POMT2: variants seen among roughly 807,000 people sequenced by gnomAD.
The protein encoded by POMT2 is protein O-mannosyl-transferase 2.
Under a neutral mutation model 100.0 loss-of-function variants are expected in POMT2, and 75 were observed. The ratio of observed to expected loss-of-function variants is 0.75; its 90% CI spans 0.62 to 0.91. POMT2 has a LOEUF of 0.91. POMT2 is among the 40% of genes least tolerant of loss of function. POMT2 has a pLI of 0.00. For missense variants in POMT2, 940 were observed against 955.1 expected (o/e 0.98, Z 0.21); for synonymous variants, 378 against 374.1 (o/e 1.01, Z -0.12).
In POMT2 at chr14:77,299,114, T is replaced by C. The variant is rs59556316; in HGVS notation, c.923+341A>G. Reference sequence around the variant, plus strand: ...TGATTCTCAGTAGCTACTCATTAAGTGGGAGCTGTTGCCGCCGGAGTTACT... The same window carrying C: ...TGATTCTCAGTAGCTACTCATTAAGCGGGAGCTGTTGCCGCCGGAGTTACT... On this transcript the variant is annotated intron_variant, in intron 7 of 20. Coordinates refer to ENST00000261534, the MANE Select transcript of POMT2 (RefSeq NM_013382.7). 0.015 allele frequency among the ~76,000 whole-genome samples: 2,294 copies of C among 152,322 alleles called. 47 individuals carry two copies. The highest frequency in any genetic ancestry group is 0.052 in the African/African-American group (2,155 of 41,574).
At chr14:77,310,403 A>G (rs1223553647) in intron 2 of POMT2, among the ~76,000 whole-genome samples, 1 of 152,236 alleles carries the variant, frequency 6.6e-6, no homozygotes, top group Non-Finnish European at 1.5e-5. Context: ...ACATGAGATA[A>G]TGCCTCTAAG....
At chr14:77,280,589 TG>T in intron 15 of POMT2, 126 bp from the exon 16 acceptor site, 2 of 1,539,380 alleles carry the variant, frequency 1.3e-6, no homozygotes, top group East Asian at 4.7e-5. Flanking sequence ...TCCCTTCCCT[TG>T]CAGGGAAGAA....
chr14:77,299,388 A>AC, intron 7 of POMT2, 67 bp downstream of exon 7: 1 of 1,386,124 alleles, frequency 7.2e-7, no homozygotes. Context: ...AAATCATCCG[A>AC]CCCCTCCACA....
At position 77,320,635 on chromosome 14, in the gene POMT2, G is replaced by C. The variant is rs778898705; in HGVS notation, c.47C>G (p.Pro16Arg). ...CTGGGGGCCACAGCGGCCCCTCCGG[G>C]GACGCAGCTCGGACTCTGCCAGGCC... is the stretch of plus-strand genomic sequence containing the variant. ...GGGLAESELR[P>R]RRGRCGPQAA... Residue 16 changes from proline (P) to arginine (R), a missense_variant, in exon 1 of 21, where the codon CCC (proline) becomes CGC (arginine). Physicochemically the swap from Pro to Arg is moderately radical, Grantham distance 103. Coordinates refer to ENST00000261534, the MANE Select transcript of POMT2 (RefSeq NM_013382.7). 1 of 1,592,656 alleles carries C rather than the reference G, an allele frequency of 6.3e-7. No individual in the cohort carries two copies. Among genetic ancestry groups the C allele is most frequent in the Non-Finnish European group, 8.5e-7 (1 of 1,177,492 alleles).
rs771117215 is a variant in POMT2, at chr14:77,284,990, G to A, written c.1536C>T (p.Leu512=). Residue 512 remains leucine (L), a synonymous_variant, in exon 14 of 21, where the codon CTC becomes CTT. Transcript: ENST00000261534. ...GGTCCTCCACATTCCAGATGGAGTT[G>A]AGGGTTTCTTTCAGGTATGGGGTGC... ...VTCTPYLKET[L]NSIWNVEDHI... 3.7e-6 allele frequency: 6 copies of A among 1,613,612 alleles called. No individual in the cohort carries two copies. The highest frequency in any genetic ancestry group is 1.1e-5 in the South Asian group (1 of 91,084).
At chr14:77,284,019 A>G (rs1890327501) in intron 14 of POMT2, 146 bp from the exon 15 acceptor site, 1 of 727,812 alleles carries the variant, frequency 1.4e-6, no homozygotes. Context: ...GCTTGGCCCA[A>G]TTCTTGATCA....
At position 77,289,348 on chromosome 14, in the gene POMT2, G is replaced by A. The variant is rs192534203; in HGVS notation, c.1184-517C>T. On this transcript the variant is annotated intron_variant, in intron 10 of 20. Transcript: ENST00000261534. ...GGAGGTTGCAGTAAGCCGAGATTGC[G>A]CCACTGCATTCCAGCCTGGGTGACA... Among the ~76,000 whole-genome samples, 365 of 149,872 alleles carry A rather than the reference G, an allele frequency of 2.4e-3. 1 individual carries two copies. The highest frequency in any genetic ancestry group is 4.6e-3 in the Admixed American group (68 of 14,698).
intron 2 of POMT2, among the ~76,000 whole-genome samples, chr14:77,308,328 T>TTTAC (rs1891301150): frequency 6.6e-6 from 1 of 151,856 alleles, no homozygotes; most frequent in African/African-American, 2.4e-5. Context: ...TATGTCATTT[T>TTTAC]TTACTCTCCA....
intron 8 of POMT2, among the ~76,000 whole-genome samples, chr14:77,297,303 A>G (rs990953732): frequency 6.6e-6 from 1 of 152,096 alleles, no homozygotes; most frequent in Admixed American, 6.5e-5. Flanking sequence ...GCTCCTCCGC[A>G]GTCTCCTCTC....
At chr14:77,278,000 C>T (rs576821828) in intron 20 of POMT2, among the ~76,000 whole-genome samples, 1 of 152,064 alleles carries the variant, frequency 6.6e-6, no homozygotes, top group Non-Finnish European at 1.5e-5. Flanking sequence ...TTCCCCCCTC[C>T]CTCACCCGGA....
intron 2 of POMT2, among the ~76,000 whole-genome samples, chr14:77,311,215 C>T (rs1891425067): frequency 6.6e-6 from 1 of 152,194 alleles, no homozygotes; most frequent in Non-Finnish European, 1.5e-5. Flanking sequence ...AGAAACAGAT[C>T]AAACCATGTG....
chr14:77,288,060 TTAA>T (rs1319163161), intron 11 of POMT2, among the ~76,000 whole-genome samples: 3 of 152,228 alleles, frequency 2.0e-5, no homozygotes, highest in Non-Finnish European at 4.4e-5. Flanking sequence ...GAAGGATAAC[TTAA>T]TAAATTTACC....
intron 9 of POMT2, among the ~76,000 whole-genome samples, chr14:77,295,094 T>A (rs1890775328): frequency 6.6e-6 from 1 of 152,132 alleles, no homozygotes; most frequent in Admixed American, 6.5e-5. Context: ...CAAAGTCAAA[T>A]CTACTATAAC....
At position 77,299,475 on chromosome 14, in the gene POMT2, GT is replaced by G; in HGVS notation, c.902del (p.His301ProfsTer5). On this transcript the variant is annotated frameshift_variant, in exon 7 of 21. Transcript: ENST00000261534. LOFTEE classifies it high-confidence loss of function. Reference protein sequence around the residue: ...LALYTATFAVHFMVLSKSGPG... With the variant: ...LALYTATFAVXFMVLSKSGPG... Reference sequence around the variant, plus strand: ...TGTACCTTTTACTCAGCACCATGAAGTGAACAGCAAAGGTGGCTGTATAGAG... The same window carrying G: ...TGTACCTTTTACTCAGCACCATGAAGGAACAGCAAAGGTGGCTGTATAGAG... 1.2e-6 allele frequency: 2 copies of G among 1,614,050 alleles called. No homozygotes were observed. The highest frequency in any genetic ancestry group is 1.7e-6 in the Non-Finnish European group (2 of 1,179,930).
intron 20 of POMT2, chr14:77,278,164 G>C (rs965418416): frequency 1.8e-6 from 1 of 550,800 alleles, no homozygotes; most frequent in Admixed American, 2.9e-5. Context: ...CTGAACCACC[G>C]GCAGAAGGGG....
chr14:77,320,377 AG>A, intron 1 of POMT2, 56 bp downstream of exon 1: 1 of 1,541,742 alleles, frequency 6.5e-7, no homozygotes. Flanking sequence ...GGCCAATCAG[AG>A]GGCGGCGTCC....
chr14:77,279,625 A>C, intron 18 of POMT2, 198 bp downstream of exon 18: 2 of 695,684 alleles, frequency 2.9e-6, no homozygotes, highest in Non-Finnish European at 5.2e-6. Context: ...CCAACGCTCT[A>C]GTGTTGTTGG....
At position 77,320,421 on chromosome 14, in the gene POMT2, T is replaced by G. The variant is rs1183509193; in HGVS notation, c.248+13A>C. ...GTTGCCATGGTGCCCGCCGAGTCCCTCCCATCACTCACCAGATGTGCGGCG... is the reference window on the plus strand; with the variant it reads ...GTTGCCATGGTGCCCGCCGAGTCCCGCCCATCACTCACCAGATGTGCGGCG... On this transcript the variant is annotated intron_variant, in intron 1 of 20. Transcript: ENST00000261534. 3 of 1,546,140 alleles carry G rather than the reference T, an allele frequency of 1.9e-6. No homozygotes were observed. The highest frequency in any genetic ancestry group is 1.7e-6 in the Non-Finnish European group (2 of 1,146,798).
intron 1 of POMT2, among the ~76,000 whole-genome samples, chr14:77,317,619 C>A (rs1224412118): frequency 1.3e-5 from 2 of 152,242 alleles, no homozygotes; most frequent in African/African-American, 4.8e-5. Context: ...GCAAACCTTA[C>A]TGAAGCAGTT....
Sources: gnomAD v4.1 joint callset for allele counts (sites outside exome capture counted in the v4.1 genomes callset) on GRCh38, gnomAD v4.1.1 for gene constraint, MANE v1.5 for transcripts, NCBI Gene and HGNC (gene_info 2026-07-23, HGNC 2026-07-21) for gene names.